Variants in GRM8 observed in about 807,000 individuals in gnomAD.
GRM8 encodes the protein glutamate metabotropic receptor 8.
GRM8 carries 47 observed loss-of-function variants against 87.2 expected under a neutral mutation model. The ratio of observed to expected loss-of-function variants is 0.54; its 90% CI spans 0.43 to 0.69. The LOEUF is 0.69. Ranked by LOEUF, GRM8 falls within the 30% of genes least tolerant of loss-of-function variation. The pLI, the probability that GRM8 is intolerant of heterozygous loss-of-function variation, is 0.00. For synonymous variants in GRM8, 396 were observed against 404.5 expected (o/e 0.98, Z 0.25); for missense variants, 1,019 against 1,139.2 (o/e 0.89, Z 1.52).
At chr7:127,206,789 C>T (rs1795937812) in intron 2 of GRM8, among the ~76,000 whole-genome samples, 1 of 152,184 alleles carries the variant, frequency 6.6e-6, no homozygotes, top group Admixed American at 6.5e-5. Context: ...TGCAAAAACA[C>T]TAAAGAGATT....
chr7:126,897,057 A>G (rs1431382866), intron 6 of GRM8, among the ~76,000 whole-genome samples: 1 of 152,148 alleles, frequency 6.6e-6, no homozygotes, highest in Non-Finnish European at 1.5e-5. Flanking sequence ...GAAACAAAGG[A>G]AGGTTTTAAG....
chr7:127,039,642 AAGGGGAAGGGCAAGAG>A, intron 3 of GRM8, among the ~76,000 whole-genome samples: 1 of 92,438 alleles, frequency 1.1e-5, no homozygotes, highest in African/African-American at 4.5e-5. Flanking sequence ...GGAGAAGGGG[AAGGGGAAGGGCAAGAG>A]AGGGGAAGGG....
intron 3 of GRM8, among the ~76,000 whole-genome samples, chr7:126,975,639 C>T (rs569094194): frequency 5.9e-5 from 9 of 152,286 alleles, no homozygotes; most frequent in Admixed American, 2.6e-4. Context: ...ATAGGAAATG[C>T]ATTAATTCTG....
intron 2 of GRM8, among the ~76,000 whole-genome samples, chr7:127,175,925 G>A (rs536468139): frequency 1.3e-5 from 2 of 152,074 alleles, no homozygotes; most frequent in Admixed American, 6.6e-5. Context: ...AATACAGAAG[G>A]AATAAATGGA....
At chr7:126,535,813 GA>G (rs1815621078) in intron 8 of GRM8, among the ~76,000 whole-genome samples, 1 of 152,066 alleles carries the variant, frequency 6.6e-6, no homozygotes, top group African/African-American at 2.4e-5. Context: ...CAGCCCTGTG[GA>G]AAGAATGGAG....
intron 3 of GRM8, chr7:127,058,261 T>A (rs1051561610): frequency 8.4e-5 from 35 of 417,760 alleles, no homozygotes; most frequent in African/African-American, 1.7e-4. Context: ...TTTCTCTTTG[T>A]TCTTGTCAAC....
chr7:127,138,259 A>T (rs1001141653), intron 2 of GRM8, among the ~76,000 whole-genome samples: 3 of 151,902 alleles, frequency 2.0e-5, no homozygotes, highest in East Asian at 1.9e-4. Context: ...TTCTTTTAAA[A>T]TTTTTTTTTG....
In GRM8 at chr7:126,818,231, A is replaced by G. The variant is rs1793974352; in HGVS notation, c.1157-48166T>C. 3.9e-5 allele frequency among the ~76,000 whole-genome samples: 6 copies of G among 152,308 alleles called. No homozygotes were observed. The South Asian group carries it at 1.2e-3, about 32-fold the overall frequency. ...TTAACAGAAATGTCTCATTTGTACCAGTCAAACAATAAAATTGGCTTCTAG... is the reference window on the plus strand; with the variant it reads ...TTAACAGAAATGTCTCATTTGTACCGGTCAAACAATAAAATTGGCTTCTAG... On this transcript the variant is annotated intron_variant, in intron 6 of 10. Coordinates refer to ENST00000339582, the MANE Select transcript of GRM8 (RefSeq NM_000845.3).
chr7:127,151,965 C>T (rs1246097391), intron 2 of GRM8, among the ~76,000 whole-genome samples: 1 of 144,238 alleles, frequency 6.9e-6, no homozygotes, highest in Non-Finnish European at 1.6e-5. Flanking sequence ...GTTCCTAGTC[C>T]CCTTTAAAGT....
chr7:126,465,971 T>C (rs1804452186), intron 9 of GRM8, among the ~76,000 whole-genome samples: 3 of 151,948 alleles, frequency 2.0e-5, no homozygotes, highest in Non-Finnish European at 2.9e-5. Context: ...ATTACCAGAT[T>C]AGATAAATTC....
At chr7:126,862,643 A>C (rs948725752) in intron 6 of GRM8, among the ~76,000 whole-genome samples, 1 of 152,018 alleles carries the variant, frequency 6.6e-6, no homozygotes, top group Admixed American at 6.6e-5. Context: ...TAATGCTTTA[A>C]ATTATAATAT....
chr7:126,520,012 G>A (rs577114135), intron 9 of GRM8, among the ~76,000 whole-genome samples: 1 of 151,588 alleles, frequency 6.6e-6, no homozygotes, highest in South Asian at 2.1e-4. Context: ...GACATAGAAA[G>A]GAGGAAATAA....
intron 3 of GRM8, among the ~76,000 whole-genome samples, chr7:127,001,060 G>A (rs1813683072): frequency 1.3e-5 from 2 of 151,484 alleles, no homozygotes; most frequent in African/African-American, 2.4e-5. Flanking sequence ...GCATAGTATT[G>A]GTGTTAACCG....
At chr7:126,892,649 C>T (rs1402136697) in intron 6 of GRM8, among the ~76,000 whole-genome samples, 1 of 152,024 alleles carries the variant, frequency 6.6e-6, no homozygotes, top group East Asian at 1.9e-4. Context: ...TGGGTATATA[C>T]CCAGTAATGG....
intron 8 of GRM8, among the ~76,000 whole-genome samples, chr7:126,546,464 G>A (rs1244655910): frequency 6.6e-6 from 1 of 152,192 alleles, no homozygotes; most frequent in Admixed American, 6.5e-5. Flanking sequence ...ATAGGAGACA[G>A]TGAAGTCAGC....
intron 8 of GRM8, among the ~76,000 whole-genome samples, chr7:126,567,932 G>A (rs1451310771): frequency 1.3e-4 from 20 of 152,126 alleles, no homozygotes; most frequent in Admixed American, 1.2e-3. Context: ...TATGAGGATT[G>A]CTGTCCTAAA....
At chr7:127,003,147 A>G (rs1813893661) in intron 3 of GRM8, among the ~76,000 whole-genome samples, 1 of 151,766 alleles carries the variant, frequency 6.6e-6, no homozygotes. Flanking sequence ...AATCAAAATC[A>G]AATGTATCAT....
intron 3 of GRM8, among the ~76,000 whole-genome samples, chr7:127,093,894 C>G (rs1824394109): frequency 6.6e-6 from 1 of 152,250 alleles, no homozygotes; most frequent in African/African-American, 2.4e-5. Flanking sequence ...CAGCCCAGTT[C>G]TACCAACGGA....
intron 7 of GRM8, among the ~76,000 whole-genome samples, chr7:126,695,067 G>A (rs149306031): frequency 1.4e-4 from 22 of 152,284 alleles, no homozygotes; most frequent in African/African-American, 4.6e-4. Context: ...GTTTGTACTA[G>A]GATTGCATTG....
Sources: allele counts gnomAD v4.1 joint callset (sites outside exome capture counted in the v4.1 genomes callset), GRCh38; gene constraint gnomAD v4.1.1; transcripts MANE v1.5; gene names NCBI Gene and HGNC (gene_info 2026-07-23, HGNC 2026-07-21).